Variants in NLGN1 observed in about 807,000 individuals in gnomAD.
NLGN1 encodes neuroligin 1, also known as neuroligin-1.
NLGN1 carries 12 observed loss-of-function variants against 65.5 expected under a neutral mutation model. The ratio of observed to expected loss-of-function variants is 0.18; its 90% CI spans 0.12 to 0.30. NLGN1 has a LOEUF of 0.30. Ranked by LOEUF, NLGN1 falls within the 10% of genes least tolerant of loss-of-function variation. The pLI is 1.00. For synonymous variants in NLGN1, 350 were observed against 359.5 expected (o/e 0.97, Z 0.30); for missense variants, 750 against 1,007.1 (o/e 0.74, Z 3.46).
At chr3:174,148,464 A>G (rs1352868939) in intron 4 of NLGN1, among the ~76,000 whole-genome samples, 1 of 152,216 alleles carries the variant, frequency 6.6e-6, no homozygotes, top group Non-Finnish European at 1.5e-5. Context: ...CCAAATTGCC[A>G]TAACCCTATA....
chr3:173,503,099 T>TGC (rs1219347251), intron 2 of NLGN1, among the ~76,000 whole-genome samples: 3 of 151,924 alleles, frequency 2.0e-5, no homozygotes, highest in Non-Finnish European at 4.4e-5. Flanking sequence ...TGTGTGTGTG[T>TGC]GCGTGTGAGT....
chr3:173,542,381 G>T (rs13062983), intron 2 of NLGN1, among the ~76,000 whole-genome samples: 12,831 of 151,808 alleles, frequency 0.085, 772 homozygotes, highest in Non-Finnish European at 0.13. Context: ...TTTTTTATTT[G>T]CCTAGTTTAG....
chr3:173,676,014 C>A (rs776996070), intron 3 of NLGN1, among the ~76,000 whole-genome samples: 37 of 151,576 alleles, frequency 2.4e-4, no homozygotes, highest in Non-Finnish European at 3.8e-4. Flanking sequence ...TATAGCTTTG[C>A]AATATGTTAC....
chr3:173,552,709 C>G (rs1420833946), intron 2 of NLGN1, among the ~76,000 whole-genome samples: 18 of 152,130 alleles, frequency 1.2e-4, no homozygotes, highest in Non-Finnish European at 4.4e-5. Context: ...TGCCTGCAAA[C>G]GGCATGAACT....
At chr3:173,957,486 C>T (rs1712370370) in intron 4 of NLGN1, among the ~76,000 whole-genome samples, 1 of 152,092 alleles carries the variant, frequency 6.6e-6, no homozygotes, top group South Asian at 2.1e-4. Context: ...CTAGTTTTCC[C>T]CCAATATCCA....
At chr3:173,584,829 A>C (rs1747075332) in intron 2 of NLGN1, 3 of 152,046 alleles carry the variant, frequency 2.0e-5, no homozygotes, top group Admixed American at 1.3e-4. Context: ...TTAAAGCAAA[A>C]AAAGAGAAAA....
chr3:173,731,231 G>T (rs956354947), intron 3 of NLGN1, among the ~76,000 whole-genome samples: 1 of 152,026 alleles, frequency 6.6e-6, no homozygotes, highest in African/African-American at 2.4e-5. Flanking sequence ...TTATTCTTGA[G>T]TTCTGATAAG....
At chr3:174,111,616 CAT>C (rs1273058965) in intron 4 of NLGN1, among the ~76,000 whole-genome samples, 1 of 151,662 alleles carries the variant, frequency 6.6e-6, no homozygotes, top group South Asian at 2.1e-4. Context: ...TTAATTAATA[CAT>C]GTTTATGCAA....
intron 1 of NLGN1, among the ~76,000 whole-genome samples, chr3:173,411,074 C>T (rs1321277719): frequency 6.6e-6 from 1 of 152,198 alleles, no homozygotes; most frequent in Admixed American, 6.5e-5. Context: ...AGTGATAATG[C>T]ATTAACATTC....
At chr3:173,506,095 T>G (rs1320277366) in intron 2 of NLGN1, among the ~76,000 whole-genome samples, 3 of 152,100 alleles carry the variant, frequency 2.0e-5, no homozygotes, top group Non-Finnish European at 4.4e-5. Context: ...CTGATAAACC[T>G]TGAACCTTGA....
At chr3:173,480,579 A>G (rs1727109909) in intron 2 of NLGN1, among the ~76,000 whole-genome samples, 3 of 152,164 alleles carry the variant, frequency 2.0e-5, no homozygotes, top group African/African-American at 7.2e-5. Flanking sequence ...TTATCTCATT[A>G]CATAATTACC....
chr3:173,748,757 T>G (rs1775899178), intron 3 of NLGN1, among the ~76,000 whole-genome samples: 1 of 152,118 alleles, frequency 6.6e-6, no homozygotes, highest in Admixed American at 6.6e-5. Context: ...ATCTATCAGT[T>G]TGGAAGATTT....
chr3:173,550,416 A>G lies in NLGN1; in HGVS notation c.-320-53863A>G, dbSNP rs192594047. Among the ~76,000 whole-genome samples the G allele has an allele frequency of 2.0e-3, 305 of 152,220 alleles. 1 individual carries two copies. The highest frequency in any genetic ancestry group is 7.0e-3 in the African/African-American group (290 of 41,568). The stretch of plus-strand genomic sequence containing the variant: ...TTATATCCTCCACCAATCTTCACAA[A>G]GAACTCAAGTTCAAGAAGAGCAGGA... On this transcript the variant is annotated intron_variant, in intron 2 of 6. Coordinates refer to ENST00000457714, the Ensembl canonical transcript of NLGN1.
chr3:174,134,102 T>C (rs924544647), intron 4 of NLGN1, among the ~76,000 whole-genome samples: 26 of 152,202 alleles, frequency 1.7e-4, no homozygotes, highest in African/African-American at 6.3e-4. Context: ...AGACAAATTA[T>C]ATTTTATTGT....
chr3:173,629,173 T>G (rs1755283166), intron 3 of NLGN1, among the ~76,000 whole-genome samples: 1 of 152,148 alleles, frequency 6.6e-6, no homozygotes, highest in African/African-American at 2.4e-5. Context: ...TGCTTCTTTC[T>G]TTGGTCAGTC....
intron 1 of NLGN1, among the ~76,000 whole-genome samples, chr3:173,415,533 G>A (rs969501423): frequency 5.3e-5 from 8 of 151,526 alleles, no homozygotes; most frequent in South Asian, 2.1e-4. Context: ...TGACTTTGCC[G>A]TATGCTAATG....
intron 4 of NLGN1, among the ~76,000 whole-genome samples, chr3:173,874,913 GC>G (rs1318969534): frequency 6.6e-6 from 1 of 152,206 alleles, no homozygotes; most frequent in Non-Finnish European, 1.5e-5. Context: ...CCTAGCCTGA[GC>G]CCTAGGACTA....
intron 2 of NLGN1, among the ~76,000 whole-genome samples, chr3:173,449,758 C>T (rs1055813628): frequency 3.3e-5 from 5 of 152,060 alleles, no homozygotes; most frequent in Non-Finnish European, 5.9e-5. Flanking sequence ...GTATTGGGTG[C>T]GTATATATTT....
chr3:174,024,751 C>T (rs1303014222), intron 4 of NLGN1, among the ~76,000 whole-genome samples: 1 of 152,182 alleles, frequency 6.6e-6, no homozygotes, highest in Non-Finnish European at 1.5e-5. Context: ...TAAACACCAG[C>T]AACTTCTTGA....
Sources: gnomAD v4.1 joint callset for allele counts (sites outside exome capture counted in the v4.1 genomes callset) on GRCh38, gnomAD v4.1.1 for gene constraint, MANE v1.5 for transcripts, NCBI Gene and HGNC (gene_info 2026-07-23, HGNC 2026-07-21) for gene names.